The following SEMA3E variants were observed in gnomAD, a reference collection of about 807,000 sequenced individuals.
SEMA3E encodes the protein semaphorin 3E.
In SEMA3E, 49 loss-of-function variants were observed where a neutral mutation model predicts 93.6. That is an observed-to-expected ratio of 0.52 (90% CI 0.42 to 0.66). The LOEUF is 0.66. Ranked by LOEUF, SEMA3E falls within the 30% of genes least tolerant of loss-of-function variation. The pLI, the probability that SEMA3E is intolerant of heterozygous loss-of-function variation, is 0.00. For missense variants in SEMA3E, 906 were observed against 964.8 expected, an observed-to-expected ratio of 0.94 and a Z score of 0.81; for synonymous variants, 363 against 330.7, an observed-to-expected ratio of 1.10 and a Z score of -1.06.
chr7:83,601,360 C>CA (rs1267751085), intron 1 of SEMA3E, among the ~76,000 whole-genome samples: 1 of 152,126 alleles, frequency 6.6e-6, no homozygotes, highest in East Asian at 1.9e-4. Context: ...GAAAACCACT[C>CA]AGACAAAAAT....
intron 1 of SEMA3E, among the ~76,000 whole-genome samples, chr7:83,494,328 G>A (rs1224772052): frequency 1.3e-5 from 2 of 151,568 alleles, no homozygotes; most frequent in Non-Finnish European, 1.5e-5. Context: ...GCATTATCTA[G>A]TATTAAGAAC....
intron 1 of SEMA3E, among the ~76,000 whole-genome samples, chr7:83,585,531 A>G (rs954809901): frequency 2.0e-5 from 3 of 152,136 alleles, no homozygotes; most frequent in Non-Finnish European, 2.9e-5. Context: ...TTACATGAAG[A>G]ATTTATAGTC....
chr7:83,526,495 A>G lies in SEMA3E; in HGVS notation c.116-36221T>C, dbSNP rs1791162607. Among the ~76,000 whole-genome samples the G allele has an allele frequency of 4.6e-5, 7 of 152,254 alleles. 1 individual carries two copies. The South Asian group carries it at 1.4e-3, about 32-fold the overall frequency. On this transcript the variant is annotated intron_variant, in intron 1 of 16. Coordinates refer to ENST00000643230, the MANE Select transcript of SEMA3E (RefSeq NM_012431.3). ...TGCTTATTAAACAGACTTTTTAACC[A>G]AAGTTTTGAATCCAACCTCTGCCCT...
chr7:83,378,756 C>T (rs1364297676), intron 16 of SEMA3E, among the ~76,000 whole-genome samples: 1 of 151,916 alleles, frequency 6.6e-6, no homozygotes, highest in Non-Finnish European at 1.5e-5. Flanking sequence ...CCATACAGCT[C>T]TGGAGGTACT....
chr7:83,408,225 T>C (rs1045086993), intron 6 of SEMA3E, 143 bp downstream of exon 6: 1 of 892,742 alleles, frequency 1.1e-6, no homozygotes, highest in African/African-American at 1.7e-5. Flanking sequence ...AATATTTTAA[T>C]TCAAGAATGT....
rs1458185602 is a variant in SEMA3E at position 83,528,631 on chromosome 7, A to AT, written c.116-38358dup. Among the ~76,000 whole-genome samples, 2 of 152,124 alleles carry AT rather than the reference A, an allele frequency of 1.3e-5. 1 individual carries two copies. The highest frequency in any genetic ancestry group is 4.1e-4 in the South Asian group (2 of 4,834). On this transcript the variant is annotated intron_variant, in intron 1 of 16. Coordinates refer to ENST00000643230, the MANE Select transcript of SEMA3E (RefSeq NM_012431.3). ...CTGGAAAAGTAAAACCTAAGTCTTC[A>AT]TTATAAAAGCTATTCTTATCCAAAT...
intron 3 of SEMA3E, among the ~76,000 whole-genome samples, chr7:83,466,880 G>A (rs1271519472): frequency 6.6e-6 from 1 of 152,086 alleles, no homozygotes. Context: ...AATAAAAAAA[G>A]CACTATTCAG....
chr7:83,574,494 T>C (rs1792359584), intron 1 of SEMA3E, among the ~76,000 whole-genome samples: 1 of 151,456 alleles, frequency 6.6e-6, no homozygotes, highest in South Asian at 2.1e-4. Flanking sequence ...CTAAGGTAGA[T>C]TGTTTGCAAA....
At chr7:83,467,807 T>A (rs978184150) in intron 3 of SEMA3E, among the ~76,000 whole-genome samples, 1 of 152,196 alleles carries the variant, frequency 6.6e-6, no homozygotes, top group Non-Finnish European at 1.5e-5. Context: ...ATTTCCCAGT[T>A]AATTGAGCAC....
At chr7:83,496,477 G>A (rs1055833376) in intron 1 of SEMA3E, among the ~76,000 whole-genome samples, 2 of 151,740 alleles carry the variant, frequency 1.3e-5, no homozygotes, top group Non-Finnish European at 2.9e-5. Flanking sequence ...CCTTTATTGT[G>A]TATTTTATAA....
intron 1 of SEMA3E, among the ~76,000 whole-genome samples, chr7:83,642,628 T>C (rs1562867353): frequency 6.6e-6 from 1 of 152,098 alleles, no homozygotes; most frequent in Admixed American, 6.6e-5. Context: ...TTTTCTCTTA[T>C]GCCTCCAATG....
intron 1 of SEMA3E, among the ~76,000 whole-genome samples, chr7:83,537,885 C>T (rs1185597626): frequency 6.6e-6 from 1 of 152,152 alleles, no homozygotes; most frequent in East Asian, 1.9e-4. Context: ...CCTTAAACAA[C>T]TATTAATCTA....
intron 1 of SEMA3E, among the ~76,000 whole-genome samples, chr7:83,518,383 C>T (rs1790977572): frequency 6.6e-6 from 1 of 151,400 alleles, no homozygotes; most frequent in Non-Finnish European, 1.5e-5. Context: ...AAAAAAAATA[C>T]AAGGAAATCT....
chr7:83,578,884 C>T (rs6951474), intron 1 of SEMA3E, among the ~76,000 whole-genome samples: 18,898 of 151,888 alleles, frequency 0.12, 1,345 homozygotes, highest in East Asian at 0.19. Flanking sequence ...AATATTGGCC[C>T]TTTAGACTTG....
intron 4 of SEMA3E, among the ~76,000 whole-genome samples, chr7:83,449,323 C>T (rs969403434): frequency 6.6e-6 from 1 of 152,000 alleles, no homozygotes; most frequent in African/African-American, 2.4e-5. Flanking sequence ...TGGTCTCAAA[C>T]TCCTGGGCTG....
intron 5 of SEMA3E, among the ~76,000 whole-genome samples, chr7:83,412,484 G>A (rs989320793): frequency 4.6e-5 from 7 of 152,030 alleles, no homozygotes; most frequent in African/African-American, 1.2e-4. Context: ...AGTGATTCTC[G>A]CCTGTAATCC....
Position 83,400,190 on chromosome 7 carries a change from T to A in SEMA3E, c.1204A>T (p.Ile402Phe), listed in dbSNP as rs1347497190. 6.2e-7 allele frequency: 1 copy of A among 1,613,888 alleles called. No individual in the cohort carries two copies. The highest frequency in any genetic ancestry group is 1.3e-5 in the African/African-American group (1 of 74,914). ...AGTGGATGACTTCTTGCAAATCGGATGGCATCATCAGGATAGTCCTTGGTG... is the reference window on the plus strand; with the variant it reads ...AGTGGATGACTTCTTGCAAATCGGAAGGCATCATCAGGATAGTCCTTGGTG... ...GTTKDYPDDAIRFARSHPLMY... is the reference protein window; with the variant it reads ...GTTKDYPDDAFRFARSHPLMY... The change falls in exon 11 of 17, where the codon ATC (isoleucine) becomes TTC (phenylalanine). Residue 402 changes from isoleucine (I) to phenylalanine (F), a missense_variant. By Grantham distance (21) the Ile-to-Phe change is conservative. Transcript: ENST00000643230.
At chr7:83,647,059 T>A (rs552904692) in intron 1 of SEMA3E, among the ~76,000 whole-genome samples, 1 of 152,124 alleles carries the variant, frequency 6.6e-6, no homozygotes, top group African/African-American at 2.4e-5. Flanking sequence ...TTTTGATACA[T>A]ACCATGATAC....
intron 2 of SEMA3E, among the ~76,000 whole-genome samples, chr7:83,488,559 C>T (rs367743095): frequency 6.6e-6 from 1 of 152,118 alleles, no homozygotes; most frequent in African/African-American, 2.4e-5. Context: ...ATTTTATATC[C>T]ATCTATCAGT....
Sources: allele counts gnomAD v4.1 joint callset (sites outside exome capture counted in the v4.1 genomes callset), GRCh38; gene constraint gnomAD v4.1.1; transcripts MANE v1.5; gene names NCBI Gene and HGNC (gene_info 2026-07-23, HGNC 2026-07-21).